The following MYO18B variants were observed in gnomAD, a reference collection of about 807,000 sequenced individuals.
The protein encoded by MYO18B is unconventional myosin-XVIIIb.
Under a neutral mutation model 273.0 loss-of-function variants are expected in MYO18B, and 204 were observed. The observed-to-expected ratio is 0.75, with a 90% CI of 0.67 to 0.84. The LOEUF is 0.84. MYO18B is among the 40% of genes least tolerant of loss of function. The probability of loss-of-function intolerance (pLI) is 0.00; values close to 1 mark genes in which losing one functional copy is unlikely to be tolerated. For missense variants in MYO18B, 3,212 were observed against 3,287.6 expected (o/e 0.98, Z 0.56); for synonymous variants, 1,330 against 1,305.7 (o/e 1.02, Z -0.40).
chr22:25,774,763 G>A, intron 7 of MYO18B, among the ~76,000 whole-genome samples: 1 of 151,980 alleles, frequency 6.6e-6, no homozygotes, highest in East Asian at 1.9e-4. Flanking sequence ...TGGACACACC[G>A]GGGGACTCTC....
At chr22:25,960,645 A>G (rs1248994565) in intron 39 of MYO18B, among the ~76,000 whole-genome samples, 1 of 152,190 alleles carries the variant, frequency 6.6e-6, no homozygotes, top group Non-Finnish European at 1.5e-5. Flanking sequence ...CTTAATGGTC[A>G]GACCCGCTGA....
the MYO18B span, among the ~76,000 whole-genome samples, chr22:26,048,977 G>A: frequency 6.6e-6 from 1 of 152,130 alleles, no homozygotes; most frequent in Non-Finnish European, 1.5e-5. Context: ...CTTAGTACCT[G>A]GGTCACGAAA....
At chr22:25,755,418 C>T (rs977194100) in intron 1 of MYO18B, among the ~76,000 whole-genome samples, 3 of 152,202 alleles carry the variant, frequency 2.0e-5, no homozygotes, top group African/African-American at 4.8e-5. Flanking sequence ...GTTGGTCAGT[C>T]TGGTCTTGAA....
chr22:25,850,220 A>T (rs1392588919), intron 20 of MYO18B, among the ~76,000 whole-genome samples: 2 of 152,172 alleles, frequency 1.3e-5, no homozygotes, highest in Non-Finnish European at 2.9e-5. Context: ...AGATTTTACC[A>T]TACCTTTTCT....
intron 10 of MYO18B, among the ~76,000 whole-genome samples, chr22:25,783,054 G>A (rs1350302805): frequency 6.6e-6 from 1 of 152,240 alleles, no homozygotes; most frequent in African/African-American, 2.4e-5. Context: ...TCCCAGTGTT[G>A]TGGTGAGGAT....
Position 25,765,879 on chromosome 22 carries a change from G to A in MYO18B, c.199-2236G>A, listed in dbSNP as rs187641972. On this transcript the variant is annotated intron_variant, in intron 3 of 43. Coordinates refer to ENST00000335473, the MANE Select transcript of MYO18B (RefSeq NM_032608.7). ...AGGCACTGACTTACTTTTCAATATGGTGTAGACAGTGGTGAGATTTGCCAA... is the reference window on the plus strand; with the variant it reads ...AGGCACTGACTTACTTTTCAATATGATGTAGACAGTGGTGAGATTTGCCAA... 5.5e-4 allele frequency among the ~76,000 whole-genome samples: 83 copies of A among 152,284 alleles called. 1 individual carries two copies. Among genetic ancestry groups the A allele is most frequent in the Non-Finnish European group, 1.0e-3 (71 of 68,030 alleles).
chr22:25,917,545 GGT>G (rs3070569), intron 33 of MYO18B, among the ~76,000 whole-genome samples: 1,658 of 142,202 alleles, frequency 0.012, 24 homozygotes, highest in African/African-American at 0.039. Flanking sequence ...GCTTTGTAGG[GGT>G]GTGTGTGTGT....
chr22:25,959,226 G>A (rs1429080351), intron 39 of MYO18B: 1 of 147,052 alleles, frequency 6.8e-6, no homozygotes, highest in Middle Eastern at 3.3e-3. Flanking sequence ...ACCACCACAA[G>A]TCCATTTCTT....
chr22:25,764,792 A>G (rs1031159756), intron 3 of MYO18B, among the ~76,000 whole-genome samples: 1 of 152,206 alleles, frequency 6.6e-6, no homozygotes, highest in African/African-American at 2.4e-5. Context: ...TCTCCAGACA[A>G]TGCTGCTTTG....
intron 42 of MYO18B, among the ~76,000 whole-genome samples, chr22:26,026,138 G>T (rs544582615): frequency 6.6e-6 from 1 of 152,258 alleles, no homozygotes; most frequent in South Asian, 2.1e-4. Flanking sequence ...TGGGATGATA[G>T]GTCCTATCAT....
the MYO18B span, among the ~76,000 whole-genome samples, chr22:26,043,556 G>A: frequency 6.8e-6 from 1 of 147,656 alleles, no homozygotes; most frequent in Non-Finnish European, 1.5e-5. Flanking sequence ...TGTTGCCCAG[G>A]CTGGAGTGCA....
the MYO18B span, among the ~76,000 whole-genome samples, chr22:26,049,153 G>GC: frequency 6.6e-6 from 1 of 152,212 alleles, no homozygotes; most frequent in Non-Finnish European, 1.5e-5. Context: ...CTCAGGGGCT[G>GC]CCCCCAGCTG....
intron 12 of MYO18B, 115 bp downstream of exon 12, chr22:25,798,212 C>G: frequency 7.6e-7 from 1 of 1,318,606 alleles, no homozygotes; most frequent in East Asian, 2.6e-5. Flanking sequence ...CCTTCTATGT[C>G]TCTGGGACTT....
intron 25 of MYO18B, among the ~76,000 whole-genome samples, chr22:25,879,270 T>C (rs920946053): frequency 2.0e-5 from 3 of 152,238 alleles, no homozygotes; most frequent in African/African-American, 7.2e-5. Context: ...ACATTTACTC[T>C]CTGGATCTTT....
intron 21 of MYO18B, among the ~76,000 whole-genome samples, chr22:25,855,300 T>TC (rs1471356038): frequency 6.6e-6 from 1 of 151,432 alleles, no homozygotes; most frequent in East Asian, 1.9e-4. Context: ...TTTTTTTTTT[T>TC]TGAGATGGAG....
intron 12 of MYO18B, among the ~76,000 whole-genome samples, chr22:25,820,877 C>T (rs1303263789): frequency 1.3e-5 from 2 of 152,110 alleles, no homozygotes; most frequent in Non-Finnish European, 2.9e-5. Context: ...ATTCTGCTTT[C>T]TACTTTTATG....
intron 25 of MYO18B, among the ~76,000 whole-genome samples, chr22:25,888,052 G>A (rs1209324771): frequency 1.3e-5 from 2 of 152,166 alleles, no homozygotes; most frequent in African/African-American, 4.8e-5. Flanking sequence ...CACTCTTGCA[G>A]CAAGAATGAT....
At chr22:25,850,440 G>T (rs779406624) in intron 20 of MYO18B, among the ~76,000 whole-genome samples, 1 of 152,062 alleles carries the variant, frequency 6.6e-6, no homozygotes, top group Non-Finnish European at 1.5e-5. Flanking sequence ...TCATCTCTCT[G>T]GGGCTCAATT....
At chr22:25,855,491 G>A (rs924597493) in intron 21 of MYO18B, among the ~76,000 whole-genome samples, 2 of 152,094 alleles carry the variant, frequency 1.3e-5, no homozygotes, top group African/African-American at 4.8e-5. Context: ...CACCATGTTA[G>A]CCAGGATGAT....
Sources: allele counts gnomAD v4.1 joint callset (sites outside exome capture counted in the v4.1 genomes callset), GRCh38; gene constraint gnomAD v4.1.1; transcripts MANE v1.5; gene names NCBI Gene and HGNC (gene_info 2026-07-23, HGNC 2026-07-21).